MBTD1: variants seen among roughly 807,000 people sequenced by gnomAD.
MBTD1 encodes mbt domain containing 1.
A neutral mutation model predicts 87.8 loss-of-function variants in MBTD1; 24 were observed. The ratio of observed to expected loss-of-function variants is 0.27; its 90% CI spans 0.20 to 0.38. The LOEUF is 0.38. Among genes scored for constraint, MBTD1 ranks in the 10% least tolerant of loss-of-function variants. The probability of loss-of-function intolerance (pLI) is 1.00; values close to 1 mark genes in which losing one functional copy is unlikely to be tolerated. For missense variants in MBTD1, 436 were observed against 760.2 expected (o/e 0.57, Z 5.02); for synonymous variants, 237 against 248.6 (o/e 0.95, Z 0.44).
chr17:51,201,956 G>A (rs1333262486), intron 11 of MBTD1, 66 bp downstream of exon 11: 2 of 1,157,740 alleles, frequency 1.7e-6, no homozygotes, highest in Non-Finnish European at 2.6e-6. Context: ...CGTAATTTTA[G>A]GAAAAAACCC....
chr17:51,230,850 G>A (rs1204140666), intron 2 of MBTD1, among the ~76,000 whole-genome samples: 1 of 152,142 alleles, frequency 6.6e-6, no homozygotes, highest in Non-Finnish European at 1.5e-5. Flanking sequence ...CACAGAGCCT[G>A]CTCTACACAT....
rs1555677185 is a variant in MBTD1, at chr17:51,190,750, A to AAAAAT, written c.1768+1452_1768+1453insATTTT. Reference sequence around the variant, plus strand: ...AAAAAAAAAAAAAAAAAAAAAAAAAAATATATATATATATATATATAACCT... The same window carrying AAAAAT: ...AAAAAAAAAAAAAAAAAAAAAAAAAAAAAATATATATATATATATATATATAACCT... On this transcript the variant is annotated intron_variant, in intron 16 of 16. Transcript: ENST00000586178. Among the ~76,000 whole-genome samples, 93 of 39,680 alleles carry AAAAAT rather than the reference A, an allele frequency of 2.3e-3. 1 individual carries two copies. The highest frequency in any genetic ancestry group is 0.014 in the Middle Eastern group (1 of 72). The allele number at this position is 39,680 out of a possible 152,430, so 26.0% of individuals were successfully genotyped here. A position where few individuals can be genotyped will look rare whatever the true frequency, so the allele number is the denominator to read the frequency against.
intron 2 of MBTD1, among the ~76,000 whole-genome samples, chr17:51,253,232 C>T (rs1026239723): frequency 2.0e-5 from 3 of 152,124 alleles, no homozygotes; most frequent in Admixed American, 6.6e-5. Flanking sequence ...TAACCTTACA[C>T]TATCTTTCCG....
At chr17:51,205,133 T>G (rs992522131) in intron 7 of MBTD1, among the ~76,000 whole-genome samples, 3 of 152,218 alleles carry the variant, frequency 2.0e-5, no homozygotes, top group African/African-American at 7.2e-5. Flanking sequence ...GGCCAATATA[T>G]GTGTATTTCA....
At chr17:51,187,419 A>G (rs2050588263) in intron 16 of MBTD1, among the ~76,000 whole-genome samples, 1 of 147,300 alleles carries the variant, frequency 6.8e-6, no homozygotes, top group South Asian at 2.1e-4. Flanking sequence ...AAAAAAAAAA[A>G]GTATCACCCT....
rs1472908269 is a variant in MBTD1, at chr17:51,179,681, T to C, written c.*895A>G. On this transcript the variant is annotated 3_prime_UTR_variant, in exon 17 of 17. Coordinates refer to ENST00000586178, the MANE Select transcript of MBTD1 (RefSeq NM_017643.3). ...AATTCGATTCTCCTAATACAGAACATCTGTTTTTGGTTGTGGTTATACGAA... is the reference window on the plus strand; with the variant it reads ...AATTCGATTCTCCTAATACAGAACACCTGTTTTTGGTTGTGGTTATACGAA... 1 of 151,344 alleles carries C rather than the reference T, an allele frequency of 6.6e-6. No individual in the cohort carries two copies. Among genetic ancestry groups the C allele is most frequent in the East Asian group, 1.9e-4 (1 of 5,180 alleles). The allele number at this position is 151,344 out of a possible 1,614,324, so 9.4% of individuals were successfully genotyped here.
intron 2 of MBTD1, among the ~76,000 whole-genome samples, chr17:51,243,373 GTACTC>G (rs969100393): frequency 1.3e-5 from 2 of 151,464 alleles, no homozygotes; most frequent in African/African-American, 4.9e-5. Flanking sequence ...GAAGTCCTGT[GTACTC>G]TACTCAAACA....
chr17:51,245,671 A>G (rs985120690), intron 2 of MBTD1, among the ~76,000 whole-genome samples: 7 of 151,918 alleles, frequency 4.6e-5, no homozygotes, highest in Non-Finnish European at 8.8e-5. Flanking sequence ...CTAGGTTTCC[A>G]TATGTAGTTG....
chr17:51,191,009 G>C (rs916375771), intron 16 of MBTD1, among the ~76,000 whole-genome samples: 2 of 151,638 alleles, frequency 1.3e-5, no homozygotes, highest in Non-Finnish European at 1.5e-5. Context: ...GCTTGAGCCA[G>C]GGAAGGTTAA....
chr17:51,202,848 C>T lies in MBTD1; in HGVS notation c.916G>A (p.Val306Met), dbSNP rs759122373. 1 of 1,614,162 alleles carries T rather than the reference C, an allele frequency of 6.2e-7. No individual in the cohort carries two copies. The highest frequency in any genetic ancestry group is 1.1e-5 in the South Asian group (1 of 91,090). Residue 306 changes from valine to methionine, a missense_variant, in exon 10 of 17, where the codon GTG becomes ATG. Val to Met is a conservative substitution (Grantham distance 21, BLOSUM62 1). Transcript: ENST00000586178. ...KRHLCRTRVA[V>M]VESVIGGRLR... ...CTTCCTCCAATTACACTTTCCACCA[C>T]TGCTACTCGTGTTCGACACAAATGC...
intron 2 of MBTD1, among the ~76,000 whole-genome samples, chr17:51,231,398 A>G (rs780635216): frequency 1.4e-4 from 22 of 152,034 alleles, no homozygotes; most frequent in Non-Finnish European, 2.4e-4. Context: ...CAGGAGGTCA[A>G]TGACTACAGA....
At chr17:51,238,015 T>C (rs1489336503) in intron 2 of MBTD1, among the ~76,000 whole-genome samples, 1 of 152,166 alleles carries the variant, frequency 6.6e-6, no homozygotes, top group African/African-American at 2.4e-5. Flanking sequence ...AACGTCTTAC[T>C]GTATGACTCT....
chr17:51,192,092 T>C, intron 16 of MBTD1, 111 bp downstream of exon 16: 1 of 811,276 alleles, frequency 1.2e-6, no homozygotes, highest in East Asian at 2.7e-5. Flanking sequence ...GCATAATACA[T>C]AATGCACAAT....
chr17:51,181,021 CTTTTTTTTT>C (rs57226972), intron 16 of MBTD1, among the ~76,000 whole-genome samples: 3 of 122,754 alleles, frequency 2.4e-5, no homozygotes, highest in Non-Finnish European at 5.1e-5. Flanking sequence ...GAAGTACAAT[CTTTTTTTTT>C]TTTTTTTTTT....
intron 12 of MBTD1, among the ~76,000 whole-genome samples, chr17:51,198,354 A>C (rs1280530264): frequency 6.6e-6 from 1 of 152,164 alleles, no homozygotes; most frequent in African/African-American, 2.4e-5. Flanking sequence ...TGACTTGACC[A>C]AGTGTTTAAA....
chr17:51,223,034 G>A (rs2143667323), intron 3 of MBTD1, among the ~76,000 whole-genome samples: 1 of 151,630 alleles, frequency 6.6e-6, no homozygotes, highest in South Asian at 2.1e-4. Flanking sequence ...TCGATTTCTT[G>A]ACCTCATGAT....
At chr17:51,212,451 T>G (rs572287023) in intron 6 of MBTD1, among the ~76,000 whole-genome samples, 72 of 151,756 alleles carry the variant, frequency 4.7e-4, no homozygotes, top group Non-Finnish European at 8.1e-4. Flanking sequence ...TTTTTTTTTT[T>G]TTTGGTACAA....
intron 2 of MBTD1, among the ~76,000 whole-genome samples, chr17:51,233,911 T>TA (rs2053677875): frequency 6.6e-6 from 1 of 151,764 alleles, no homozygotes; most frequent in Non-Finnish European, 1.5e-5. Flanking sequence ...TTCAGATTTC[T>TA]AAAAATTCTT....
At chr17:51,203,538 C>T (rs569923092) in intron 8 of MBTD1, among the ~76,000 whole-genome samples, 4 of 152,250 alleles carry the variant, frequency 2.6e-5, no homozygotes, top group African/African-American at 9.6e-5. Flanking sequence ...CCTCAGCCTC[C>T]TGAGTACAGG....
Sources: allele counts gnomAD v4.1 joint callset (sites outside exome capture counted in the v4.1 genomes callset), GRCh38; gene constraint gnomAD v4.1.1; transcripts MANE v1.5; gene names NCBI Gene and HGNC (gene_info 2026-07-23, HGNC 2026-07-21).